The following GRIK3 variants were observed in gnomAD, a reference collection of about 807,000 sequenced individuals.
GRIK3 encodes glutamate receptor ionotropic, kainate 3.
A neutral mutation model predicts 102.5 loss-of-function variants in GRIK3; 29 were observed. The ratio of observed to expected loss-of-function variants is 0.28; its 90% confidence interval spans 0.21 to 0.39. The LOEUF (loss-of-function observed/expected upper bound fraction) is 0.39, where lower values mean the gene tolerates loss of function less well. Ranked by LOEUF, GRIK3 falls within the 10% of genes least tolerant of loss-of-function variation. The pLI is 1.00. For missense variants in GRIK3, 908 were observed against 1,252.4 expected, an observed-to-expected ratio of 0.73 and a Z score of 4.15; for synonymous variants, 511 against 504.9, an observed-to-expected ratio of 1.01 and a Z score of -0.16.
intron 1 of GRIK3, among the ~76,000 whole-genome samples, chr1:37,022,421 A>T (rs1195431911): frequency 3.9e-5 from 6 of 152,236 alleles, no homozygotes; most frequent in Non-Finnish European, 8.8e-5. Flanking sequence ...TCTCTCCTCC[A>T]GTCTCTTCTT....
intron 9 of GRIK3, chr1:36,849,745 G>A (rs560908428): frequency 6.5e-6 from 1 of 153,112 alleles, no homozygotes; most frequent in East Asian, 1.9e-4. Context: ...GAGGCCCCCA[G>A]AGTTGCTTCT....
chr1:36,839,389 C>T (rs1346731558), intron 10 of GRIK3, among the ~76,000 whole-genome samples: 1 of 152,126 alleles, frequency 6.6e-6, no homozygotes, highest in Non-Finnish European at 1.5e-5. Context: ...CTAGAAGCTG[C>T]TTCCCCACCA....
chr1:36,970,771 A>G (rs1323472092), intron 1 of GRIK3, among the ~76,000 whole-genome samples: 1 of 152,148 alleles, frequency 6.6e-6, no homozygotes, highest in African/African-American at 2.4e-5. Flanking sequence ...TGGGAAATCA[A>G]TTATGCTTTG....
At position 36,823,660 on chromosome 1, in the gene GRIK3, C is replaced by T. The variant is rs116020841; in HGVS notation, c.1754+1943G>A. ...GCCCCCTTCAGCCAGGTGAGCTCTC[C>T]GGGGTGCCTTAGTCCCTACCAACTC... is the stretch of plus-strand genomic sequence containing the variant. On this transcript the variant is annotated intron_variant, in intron 11 of 15. Transcript: ENST00000373091. Among the ~76,000 whole-genome samples the T allele has an allele frequency of 3.7e-3, 560 of 152,136 alleles. 3 individuals carry two copies. The highest frequency in any genetic ancestry group is 0.013 in the African/African-American group (524 of 41,508).
At position 36,880,114 on chromosome 1, in the gene GRIK3, A is replaced by G. The variant is rs1013265523; in HGVS notation, c.550+520T>C. On this transcript the variant is annotated intron_variant, in intron 3 of 15. Transcript: ENST00000373091. This position sits in a 1 kb window ranked among gnomAD's most constrained non-coding sequence, Gnocchi z 5.4. ...GTAATCCCACATTTTACAGATTTACATTTTATAGGAAACTGAGGCACAAAG... is the reference window on the plus strand; with the variant it reads ...GTAATCCCACATTTTACAGATTTACGTTTTATAGGAAACTGAGGCACAAAG... 6.6e-6 allele frequency among the ~76,000 whole-genome samples: 1 copy of G among 152,134 alleles called. No homozygotes were observed. The highest frequency in any genetic ancestry group is 6.5e-5 in the Admixed American group (1 of 15,280).
At position 36,814,520 on chromosome 1, in the gene GRIK3, C is replaced by CA. The variant is rs569634831; in HGVS notation, c.2091+2539_2091+2540insT. ...ATACACATACATAGACCCCCCCCCC[C>CA]CACACACAGAGACACATATGCATGC... On this transcript the variant is annotated intron_variant, in intron 13 of 15. Coordinates refer to ENST00000373091, the MANE Select transcript of GRIK3 (RefSeq NM_000831.4). Among the ~76,000 whole-genome samples, 253 of 134,338 alleles carry CA rather than the reference C, an allele frequency of 1.9e-3. 2 individuals carry two copies. Among genetic ancestry groups the CA allele is most frequent in the African/African-American group, 4.6e-3 (160 of 34,948 alleles). 88.1% of individuals were successfully genotyped at this position (134,338 alleles called of 152,430 possible).
At chr1:36,829,790 C>G (rs1306578118) in intron 10 of GRIK3, among the ~76,000 whole-genome samples, 1 of 152,226 alleles carries the variant, frequency 6.6e-6, no homozygotes, top group Admixed American at 6.5e-5. Flanking sequence ...AACAATTTAA[C>G]CTGCTATAGC....
intron 10 of GRIK3, among the ~76,000 whole-genome samples, chr1:36,831,807 T>C (rs1406538503): frequency 6.6e-6 from 1 of 152,212 alleles, no homozygotes; most frequent in African/African-American, 2.4e-5. Flanking sequence ...AATAACCCCG[T>C]GTGGCTGGTG....
At chr1:36,992,655 C>T (rs1328214236) in intron 1 of GRIK3, among the ~76,000 whole-genome samples, 1 of 152,176 alleles carries the variant, frequency 6.6e-6, no homozygotes, top group African/African-American at 2.4e-5. Flanking sequence ...CTGTTGAGTG[C>T]TCCTACCTAG....
At chr1:36,977,716 C>T (rs1642209631) in intron 1 of GRIK3, among the ~76,000 whole-genome samples, 1 of 152,066 alleles carries the variant, frequency 6.6e-6, no homozygotes, top group South Asian at 2.1e-4. Flanking sequence ...GTGGGTGAAT[C>T]CTGACAGATT....
At chr1:36,930,117 C>T (rs1261508298) in intron 1 of GRIK3, among the ~76,000 whole-genome samples, 1 of 152,170 alleles carries the variant, frequency 6.6e-6, no homozygotes, top group Non-Finnish European at 1.5e-5. Flanking sequence ...CTGTCAGTCC[C>T]ATTATATTTT....
At chr1:36,960,341 C>T (rs1188861497) in intron 1 of GRIK3, among the ~76,000 whole-genome samples, 1 of 151,328 alleles carries the variant, frequency 6.6e-6, no homozygotes, top group African/African-American at 2.4e-5. Flanking sequence ...GACCCGTGAA[C>T]CTGTTTGCCC....
intron 1 of GRIK3, among the ~76,000 whole-genome samples, chr1:37,032,204 T>C (rs1642835617): frequency 6.6e-6 from 1 of 152,152 alleles, no homozygotes. Flanking sequence ...ACAGTAAGGA[T>C]ACATCATCCT....
chr1:36,813,240 A>G lies in GRIK3; in HGVS notation c.2091+3820T>C, dbSNP rs377582609. 7.9e-4 allele frequency among the ~76,000 whole-genome samples: 120 copies of G among 152,304 alleles called. 1 individual carries two copies. The highest frequency in any genetic ancestry group is 2.6e-3 in the African/African-American group (109 of 41,572). On this transcript the variant is annotated intron_variant, in intron 13 of 15. Coordinates refer to ENST00000373091, the MANE Select transcript of GRIK3 (RefSeq NM_000831.4). Reference sequence around the variant, plus strand: ...TTTCGTCATGTTTCAAATGGAGATGATAATAACAATCTACGTTCCAGGGCT... The same window carrying G: ...TTTCGTCATGTTTCAAATGGAGATGGTAATAACAATCTACGTTCCAGGGCT...
At chr1:36,943,237 G>GT (rs896563640) in intron 1 of GRIK3, among the ~76,000 whole-genome samples, 2 of 151,792 alleles carry the variant, frequency 1.3e-5, no homozygotes, top group African/African-American at 2.4e-5. Flanking sequence ...GGGTTGGGGG[G>GT]GCTGGGGCAG....
chr1:36,980,727 TA>T (rs1642240446), intron 1 of GRIK3, among the ~76,000 whole-genome samples: 1 of 151,990 alleles, frequency 6.6e-6, no homozygotes, highest in South Asian at 2.1e-4. Context: ...GAACAGAGCA[TA>T]ACCGAAGCAA....
Position 36,923,311 on chromosome 1 carries a change from G to C in GRIK3, c.116-32215C>G, listed in dbSNP as rs754912900. On this transcript the variant is annotated intron_variant, in intron 1 of 15. Coordinates refer to ENST00000373091, the MANE Select transcript of GRIK3 (RefSeq NM_000831.4). ...TCGCTCTCTTCAGAGGCAGCAGCAG[G>C]GGGTAGAGGGGTGGGAGGCCTAATC... Among the ~76,000 whole-genome samples, 3 of 152,208 alleles carry C rather than the reference G, an allele frequency of 2.0e-5. No homozygotes were observed. The East Asian group carries it at 5.8e-4, about 29-fold the overall frequency.
chr1:36,856,117 A>C (rs536244853), intron 7 of GRIK3, among the ~76,000 whole-genome samples: 7 of 152,346 alleles, frequency 4.6e-5, no homozygotes, highest in Admixed American at 2.0e-4. Context: ...GCCACTGTTT[A>C]TGACTTCACA....
intron 1 of GRIK3, among the ~76,000 whole-genome samples, chr1:36,935,634 G>C (rs914616165): frequency 1.3e-5 from 2 of 151,788 alleles, no homozygotes; most frequent in African/African-American, 2.4e-5. Flanking sequence ...CCTCCTGAAT[G>C]ATCTCACTAA....
Sources: gnomAD v4.1 joint callset for allele counts (sites outside exome capture counted in the v4.1 genomes callset) on GRCh38, gnomAD v4.1.1 for gene constraint, Gnocchi (gnomAD v3.1) non-coding constraint, MANE v1.5 for transcripts, NCBI Gene and HGNC (gene_info 2026-07-23, HGNC 2026-07-21) for gene names.